Variants in PLAC1 observed in about 807,000 individuals in gnomAD.
PLAC1 encodes the protein placenta associated 1, also known as placenta-specific protein 1.
For missense variants in PLAC1, 136 were observed against 163.2 expected (o/e 0.83, Z 0.91); for synonymous variants, 68 against 62.1 (o/e 1.09, Z -0.44).
chrX:134,662,502 T>C (rs1426158126), upstream of PLAC1, among the ~76,000 whole-genome samples: 1 of 112,519 alleles, frequency 8.9e-6, no homozygotes, highest in Non-Finnish European at 1.9e-5. Flanking sequence ...CAGTGCTTAA[T>C]CTATTGTTGT....
chrX:134,707,343 C>A (rs771264050), intron 2 of PLAC1, among the ~76,000 whole-genome samples: 8 of 112,434 alleles, frequency 7.1e-5, no homozygotes, highest in African/African-American at 2.6e-4. Context: ...CTAGGGTACA[C>A]GTGCACAACG....
intron 1 of PLAC1, among the ~76,000 whole-genome samples, chrX:134,656,151 C>T (rs968628607): frequency 8.9e-6 from 1 of 112,067 alleles, no homozygotes; most frequent in African/African-American, 3.2e-5. Context: ...TACGTCACTC[C>T]TATCTGGAAA....
At chrX:134,667,941 G>C (rs2078442836) in intron 2 of PLAC1, among the ~76,000 whole-genome samples, 1 of 106,968 alleles carries the variant, frequency 9.3e-6, no homozygotes, top group Non-Finnish European at 1.9e-5. Flanking sequence ...AAAAAAAAAA[G>C]TTAACTGTGG....
intron 2 of PLAC1, among the ~76,000 whole-genome samples, chrX:134,596,625 C>T (rs1279000427): frequency 9.0e-6 from 1 of 111,470 alleles, no homozygotes; most frequent in Non-Finnish European, 1.9e-5. Context: ...GACAGAGCCT[C>T]ACTCTGTGAC....
chrX:134,759,613 C>T (rs1467248735), intron 1 of PLAC1, among the ~76,000 whole-genome samples: 2 of 112,118 alleles, frequency 1.8e-5, no homozygotes, highest in Non-Finnish European at 3.8e-5. Flanking sequence ...GATACCTGCA[C>T]TCCTATGTTT....
intron 2 of PLAC1, among the ~76,000 whole-genome samples, chrX:134,689,193 T>A (rs1311689254): frequency 8.9e-6 from 1 of 112,020 alleles, no homozygotes; most frequent in Non-Finnish European, 1.9e-5. Flanking sequence ...TTTCATTATA[T>A]GCATCCTGTT....
At chrX:134,730,624 T>C (rs2078686297) in intron 2 of PLAC1, among the ~76,000 whole-genome samples, 1 of 110,522 alleles carries the variant, frequency 9.0e-6, no homozygotes, top group Non-Finnish European at 1.9e-5. Flanking sequence ...TTTTAAAAAT[T>C]TTTTTGTAAA....
chrX:134,632,330 G>A (rs1374022349), intron 1 of PLAC1, among the ~76,000 whole-genome samples: 2 of 112,034 alleles, frequency 1.8e-5, no homozygotes, highest in East Asian at 5.6e-4. Flanking sequence ...GGGTCTGTAG[G>A]ACCTACCACA....
At chrX:134,730,513 T>C (rs2078685742) in intron 2 of PLAC1, among the ~76,000 whole-genome samples, 1 of 111,284 alleles carries the variant, frequency 9.0e-6, no homozygotes, top group Admixed American at 9.5e-5. Flanking sequence ...GATGCCATCA[T>C]AGCTTACAGC....
chrX:134,753,385 A>G (rs928153267), intron 1 of PLAC1, among the ~76,000 whole-genome samples: 4 of 111,525 alleles, frequency 3.6e-5, no homozygotes, highest in African/African-American at 9.8e-5. Context: ...ATCAGAAGCA[A>G]TGGCAAAGAT....
At chrX:134,706,239 A>G (rs1258869992) in intron 2 of PLAC1, among the ~76,000 whole-genome samples, 2 of 112,871 alleles carry the variant, frequency 1.8e-5, no homozygotes, top group Non-Finnish European at 3.7e-5. Flanking sequence ...CTGAGTGGGG[A>G]GGCTGACTTT....
At chrX:134,611,981 T>C (rs1289274268) in intron 1 of PLAC1, among the ~76,000 whole-genome samples, 4 of 111,699 alleles carry the variant, frequency 3.6e-5, no homozygotes, top group Non-Finnish European at 7.5e-5. Flanking sequence ...ACTTGTTCTC[T>C]CTTCAGCCGA....
At chrX:134,701,965 G>A (rs1318227801) in intron 2 of PLAC1, among the ~76,000 whole-genome samples, 2 of 112,041 alleles carry the variant, frequency 1.8e-5, no homozygotes, top group African/African-American at 6.5e-5. Flanking sequence ...GTTGCATTGA[G>A]CCAAGATTGT....
intron 1 of PLAC1, among the ~76,000 whole-genome samples, chrX:134,637,563 G>T (rs1179224340): frequency 1.8e-5 from 2 of 111,869 alleles, no homozygotes; most frequent in Non-Finnish European, 3.8e-5. Context: ...TTGGGGGATT[G>T]TAGGCTGGGC....
intron 2 of PLAC1, among the ~76,000 whole-genome samples, chrX:134,585,879 G>GA (rs2077997891): frequency 8.9e-6 from 1 of 111,754 alleles, no homozygotes; most frequent in Non-Finnish European, 1.9e-5. Flanking sequence ...AACTAGGGGT[G>GA]AAAAGAAGGA....
intron 2 of PLAC1, among the ~76,000 whole-genome samples, chrX:134,671,590 GGAGAGA>G (rs567116941): frequency 1.9e-4 from 20 of 104,825 alleles, no homozygotes; most frequent in Non-Finnish European, 2.9e-4. Flanking sequence ...TGGTAGAACA[GGAGAGA>G]GAGAGAGAGA....
chrX:134,587,396 AAAAT>A (rs376170313), intron 2 of PLAC1, among the ~76,000 whole-genome samples: 2 of 105,079 alleles, frequency 1.9e-5, no homozygotes, highest in Non-Finnish European at 3.9e-5. Flanking sequence ...TGTCTTTACA[AAAAT>A]AAATAAATAA....
intron 2 of PLAC1, among the ~76,000 whole-genome samples, chrX:134,722,239 A>G (rs2078660272): frequency 8.9e-6 from 1 of 112,202 alleles, no homozygotes; most frequent in African/African-American, 3.2e-5. Flanking sequence ...TGTCTATAGC[A>G]TTGCTATTCA....
chrX:134,595,184 T>C (rs1183120441), intron 2 of PLAC1, among the ~76,000 whole-genome samples: 5 of 111,342 alleles, frequency 4.5e-5, no homozygotes, highest in Non-Finnish European at 9.4e-5. Context: ...TATCTGTCTG[T>C]TATTAATTTC....
Sources: allele counts gnomAD v4.1 joint callset (sites outside exome capture counted in the v4.1 genomes callset), GRCh38; gene constraint gnomAD v4.1.1; transcripts MANE v1.5; gene names NCBI Gene and HGNC (gene_info 2026-07-23, HGNC 2026-07-21).